SMOC2: variants seen among roughly 807,000 people sequenced by gnomAD.
SMOC2 encodes SPARC-related modular calcium-binding protein 2.
SMOC2 carries 39 observed loss-of-function variants against 61.4 expected under a neutral mutation model. The ratio of observed to expected loss-of-function variants is 0.64; its 90% CI spans 0.49 to 0.83. The LOEUF is 0.83. Ranked by LOEUF, SMOC2 falls within the 40% of genes least tolerant of loss-of-function variation. The probability of loss-of-function intolerance (pLI) is 0.00; values close to 1 mark genes in which losing one functional copy is unlikely to be tolerated. For synonymous variants in SMOC2, 247 were observed against 239.9 expected (o/e 1.03, Z -0.27); for missense variants, 556 against 592.9 (o/e 0.94, Z 0.65).
chr6:168,613,853 G>T (rs1201228019), intron 9 of SMOC2, among the ~76,000 whole-genome samples: 2 of 90,956 alleles, frequency 2.2e-5, no homozygotes, highest in Admixed American at 1.1e-4. Context: ...AGCCAGCACA[G>T]GGGGCCTCTT....
At chr6:168,451,599 G>GTC (rs59096709) in intron 1 of SMOC2, among the ~76,000 whole-genome samples, 24,299 of 145,342 alleles carry the variant, frequency 0.17, 2,192 homozygotes, top group Non-Finnish European at 0.22. Context: ...CTCTGTCTCT[G>GTC]TCTCTCTCTC....
In SMOC2 at chr6:168,441,262, GCCGC is replaced by G; in HGVS notation, c.-106_-103del. On this transcript the variant is annotated 5_prime_UTR_variant, in exon 1 of 13. Transcript: ENST00000356284. ...GGAGCGGTGGGGAGAGCATCGCGGA[GCCGC>G]CCCTCCACGCGCCCGCCCAGCCGCG... 1 of 1,368,000 alleles carries G rather than the reference GCCGC, an allele frequency of 7.3e-7. No homozygotes were observed. The highest frequency in any genetic ancestry group is 9.3e-7 in the Non-Finnish European group (1 of 1,070,062). The allele number at this position is 1,368,000 out of a possible 1,614,324, so 84.7% of individuals were successfully genotyped here.
At chr6:168,664,962 G>C in intron 12 of SMOC2, 1 of 370,416 alleles carries the variant, frequency 2.7e-6, no homozygotes, top group Non-Finnish European at 5.4e-6. Flanking sequence ...GTGGATTTAA[G>C]TGGAGGCGGC....
chr6:168,465,484 AAAAG>A (rs1329070182), intron 1 of SMOC2, among the ~76,000 whole-genome samples: 1 of 152,158 alleles, frequency 6.6e-6, no homozygotes, highest in Non-Finnish European at 1.5e-5. Context: ...AAAAAAAGAA[AAAAG>A]AAAGACTTTT....
At chr6:168,497,003 G>T (rs1782606982) in intron 1 of SMOC2, among the ~76,000 whole-genome samples, 1 of 152,238 alleles carries the variant, frequency 6.6e-6, no homozygotes, top group African/African-American at 2.4e-5. Context: ...CAAGCATGGG[G>T]AAGGCTGAGC....
At chr6:168,539,290 C>T (rs1783821699) in intron 4 of SMOC2, among the ~76,000 whole-genome samples, 1 of 152,182 alleles carries the variant, frequency 6.6e-6, no homozygotes, top group Non-Finnish European at 1.5e-5. Context: ...GCCAGAGAGG[C>T]ACCTGTTTGA....
At chr6:168,538,312 T>C in intron 4 of SMOC2, among the ~76,000 whole-genome samples, 1 of 114,092 alleles carries the variant, frequency 8.8e-6, no homozygotes, top group Non-Finnish European at 1.8e-5. Flanking sequence ...TGACCCCTGC[T>C]GGAATGTGGG....
intron 8 of SMOC2, among the ~76,000 whole-genome samples, chr6:168,603,303 C>T (rs960455970): frequency 7.3e-6 from 1 of 136,670 alleles, no homozygotes; most frequent in Non-Finnish European, 1.5e-5. Flanking sequence ...TTCACAGCAG[C>T]ATGAGAACAG....
chr6:168,612,315 G>A lies in SMOC2; in HGVS notation c.907+4076G>A, dbSNP rs34059432. ...CCCCAGCCTTTACTCAAACAGCAGC[G>A]CTGGGTTCGTGATCTCCATCAGGGG... On this transcript the variant is annotated intron_variant, in intron 9 of 12. Coordinates refer to ENST00000356284, the MANE Select transcript of SMOC2 (RefSeq NM_001166412.2). Among the ~76,000 whole-genome samples, 31 of 109,296 alleles carry A rather than the reference G, an allele frequency of 2.8e-4. 1 individual carries two copies. The highest frequency in any genetic ancestry group is 6.0e-4 in the East Asian group (2 of 3,342). The allele number at this position is 109,296 out of a possible 152,430, so 71.7% of individuals were successfully genotyped here. A position where few individuals can be genotyped will look rare whatever the true frequency, so the allele number is the denominator to read the frequency against.
intron 1 of SMOC2, among the ~76,000 whole-genome samples, chr6:168,499,308 C>T (rs918488706): frequency 2.0e-5 from 3 of 152,248 alleles, no homozygotes; most frequent in Non-Finnish European, 4.4e-5. Flanking sequence ...CGCAGTCCAA[C>T]GTGTGCTTCA....
chr6:168,506,806 C>T (rs1259374777), intron 1 of SMOC2, among the ~76,000 whole-genome samples: 1 of 152,210 alleles, frequency 6.6e-6, no homozygotes, highest in Non-Finnish European at 1.5e-5. Context: ...TAGCAAAGTA[C>T]TTTTTATCTT....
intron 1 of SMOC2, among the ~76,000 whole-genome samples, chr6:168,497,689 C>T (rs529562968): frequency 2.0e-5 from 3 of 152,294 alleles, no homozygotes; most frequent in African/African-American, 7.2e-5. Context: ...GAAAACCTGG[C>T]TCAGATGAAG....
chr6:168,547,264 C>A, intron 6 of SMOC2, 95 bp downstream of exon 6: 2 of 1,061,100 alleles, frequency 1.9e-6, no homozygotes, highest in Non-Finnish European at 1.5e-6. Context: ...TGTTAGAGCT[C>A]CGTTCAGTAT....
At chr6:168,458,708 G>A (rs946421181) in intron 1 of SMOC2, among the ~76,000 whole-genome samples, 2 of 152,070 alleles carry the variant, frequency 1.3e-5, no homozygotes, top group African/African-American at 4.8e-5. Context: ...GTTCTGTCAC[G>A]TCCCCCTGCC....
chr6:168,565,553 T>A (rs1355736007), intron 7 of SMOC2, among the ~76,000 whole-genome samples: 2 of 152,220 alleles, frequency 1.3e-5, no homozygotes, highest in East Asian at 1.9e-4. Flanking sequence ...AAAGGCTTTA[T>A]CTCCAAATAC....
chr6:168,664,439 T>G (rs1787605224), intron 12 of SMOC2: 1 of 424,326 alleles, frequency 2.4e-6, no homozygotes. Context: ...TCTGCCATGT[T>G]GCCCAGGCTA....
intron 9 of SMOC2, among the ~76,000 whole-genome samples, chr6:168,618,837 C>G (rs1786171385): frequency 1.3e-5 from 2 of 152,158 alleles, no homozygotes; most frequent in Non-Finnish European, 2.9e-5. Flanking sequence ...GGCATCCGGT[C>G]TGGGAGAGAC....
intron 7 of SMOC2, among the ~76,000 whole-genome samples, chr6:168,591,501 G>A (rs1040280712): frequency 4.6e-5 from 7 of 152,122 alleles, no homozygotes; most frequent in Admixed American, 1.3e-4. Flanking sequence ...TCAGATTGAG[G>A]CAAAGCCAAA....
At chr6:168,624,754 CACAG>C (rs1037576358) in intron 9 of SMOC2, among the ~76,000 whole-genome samples, 1 of 149,228 alleles carries the variant, frequency 6.7e-6, no homozygotes, top group African/African-American at 2.4e-5. Flanking sequence ...CACACACACT[CACAG>C]ACACATGCAC....
Sources: gnomAD v4.1 joint callset for allele counts (sites outside exome capture counted in the v4.1 genomes callset) on GRCh38, gnomAD v4.1.1 for gene constraint, MANE v1.5 for transcripts, NCBI Gene and HGNC (gene_info 2026-07-23, HGNC 2026-07-21) for gene names.